Variants in PDLIM5 observed in about 807,000 individuals in gnomAD.
PDLIM5 encodes the protein PDZ and LIM domain protein 5.
A neutral mutation model predicts 64.2 loss-of-function variants in PDLIM5; 34 were observed. That is an observed-to-expected ratio of 0.53 (90% CI 0.40 to 0.71). The LOEUF (loss-of-function observed/expected upper bound fraction) is 0.71, where lower values mean the gene tolerates loss of function less well. PDLIM5 is among the 30% of genes least tolerant of loss of function. The pLI is 0.00. For missense variants in PDLIM5, 683 were observed against 733.6 expected (o/e 0.93, Z 0.80); for synonymous variants, 253 against 269.1 (o/e 0.94, Z 0.59).
intron 8 of PDLIM5, among the ~76,000 whole-genome samples, chr4:94,632,486 A>G (rs1740234743): frequency 6.6e-6 from 1 of 152,238 alleles, no homozygotes; most frequent in South Asian, 2.1e-4. Flanking sequence ...CCTTGTCTCT[A>G]AAAACAAAAA....
At chr4:94,590,206 C>A (rs1447455146) in intron 7 of PDLIM5, among the ~76,000 whole-genome samples, 1 of 152,106 alleles carries the variant, frequency 6.6e-6, no homozygotes, top group Non-Finnish European at 1.5e-5. Flanking sequence ...TCATTGTGCC[C>A]TTTAGGAAGG....
chr4:94,518,913 T>C (rs981367435), intron 2 of PDLIM5, among the ~76,000 whole-genome samples: 1 of 152,282 alleles, frequency 6.6e-6, no homozygotes, highest in East Asian at 1.9e-4. Flanking sequence ...TTCCTGTCCT[T>C]CTCTGGCCTC....
intron 2 of PDLIM5, among the ~76,000 whole-genome samples, chr4:94,515,090 G>T (rs1436795235): frequency 6.6e-6 from 1 of 152,188 alleles, no homozygotes; most frequent in Non-Finnish European, 1.5e-5. Flanking sequence ...CAGTTCATCA[G>T]ATGTTTATTG....
intron 7 of PDLIM5, among the ~76,000 whole-genome samples, chr4:94,601,285 C>T (rs1737468861): frequency 6.6e-6 from 1 of 152,144 alleles, no homozygotes; most frequent in East Asian, 1.9e-4. Context: ...AGAGAGGGAG[C>T]TCTCTGAGGT....
chr4:94,476,568 T>A (rs1725340258), intron 2 of PDLIM5, among the ~76,000 whole-genome samples: 1 of 152,180 alleles, frequency 6.6e-6, no homozygotes, highest in Admixed American at 6.5e-5. Flanking sequence ...TTTCTGACAT[T>A]CTTTATGTAA....
intron 3 of PDLIM5, among the ~76,000 whole-genome samples, chr4:94,538,803 G>A (rs986303846): frequency 6.6e-6 from 1 of 151,794 alleles, no homozygotes; most frequent in Admixed American, 6.6e-5. Context: ...TTGATTCTAG[G>A]GTGCCAAAAT....
rs1339401840 is a variant in PDLIM5 at position 94,455,319 on chromosome 4, C to G, written c.31C>G (p.Pro11Ala). 2 of 1,613,368 alleles carry G rather than the reference C, an allele frequency of 1.2e-6. No individual in the cohort carries two copies. The highest frequency in any genetic ancestry group is 3.3e-5 in the Admixed American group (2 of 60,026). Residue 11 changes from proline to alanine, a missense_variant, in exon 2 of 13, where the codon CCA (proline) becomes GCA (alanine). By Grantham distance (27) the Pro-to-Ala change is conservative. Transcript: ENST00000317968. ...CAACTACAGTGTGTCACTGGTTGGC[C>G]CAGCTCCTTGGGGTTTCCGGCTGCA... Reference protein sequence around the residue: MSNYSVSLVGPAPWGFRLQGG... With the variant: MSNYSVSLVGAAPWGFRLQGG...
At chr4:94,594,091 A>G (rs1578438007) in intron 7 of PDLIM5, among the ~76,000 whole-genome samples, 1 of 152,204 alleles carries the variant, frequency 6.6e-6, no homozygotes, top group Non-Finnish European at 1.5e-5. Flanking sequence ...AAATATCAAG[A>G]CATTAAAATA....
chr4:94,452,369 T>C (rs1369884153), intron 1 of PDLIM5, among the ~76,000 whole-genome samples: 1 of 151,900 alleles, frequency 6.6e-6, no homozygotes, highest in Non-Finnish European at 1.5e-5. Context: ...GCTGCCGGCG[T>C]CGCCCGGCAC....
intron 2 of PDLIM5, among the ~76,000 whole-genome samples, chr4:94,469,786 T>C (rs926431289): frequency 6.6e-6 from 1 of 151,912 alleles, no homozygotes; most frequent in Non-Finnish European, 1.5e-5. Context: ...GAATTTAAAA[T>C]TTTTTTTGAG....
intron 2 of PDLIM5, chr4:94,456,863 A>G (rs1723417839): frequency 9.2e-7 from 1 of 1,088,476 alleles, no homozygotes; most frequent in East Asian, 8.5e-5. Context: ...TCATTTAATT[A>G]TCATACCAAC....
rs953159315 is a variant in PDLIM5 at position 94,594,252 on chromosome 4, T to C, written c.920+7808T>C. Among the ~76,000 whole-genome samples the C allele has an allele frequency of 3.9e-5, 6 of 152,312 alleles. No individual in the cohort carries two copies. The East Asian group carries it at 9.6e-4, about 24-fold the overall frequency. On this transcript the variant is annotated intron_variant, in intron 7 of 12. Transcript: ENST00000317968. ...TTTGTTAATTAGTGAAAGACTTTTT[T>C]TCATTAAATGAACATTTGTTTTTTA...
intron 2 of PDLIM5, among the ~76,000 whole-genome samples, chr4:94,481,345 A>G (rs1292969638): frequency 2.1e-5 from 3 of 144,376 alleles, no homozygotes; most frequent in African/African-American, 7.8e-5. Context: ...GCTGGAGTGC[A>G]GTGGTGCGAT....
At chr4:94,539,561 G>A (rs1042734073) in intron 3 of PDLIM5, among the ~76,000 whole-genome samples, 2 of 152,184 alleles carry the variant, frequency 1.3e-5, no homozygotes, top group Admixed American at 6.5e-5. Flanking sequence ...CTCAGTTCAA[G>A]AAGCTCTTAA....
chr4:94,529,604 A>G (rs535286756), intron 3 of PDLIM5, among the ~76,000 whole-genome samples: 20 of 152,210 alleles, frequency 1.3e-4, no homozygotes, highest in Admixed American at 1.0e-3. Context: ...ATTTATGTCT[A>G]CTTTAATTTG....
chr4:94,594,599 GCACA>G (rs112401177), intron 7 of PDLIM5, among the ~76,000 whole-genome samples: 1 of 150,422 alleles, frequency 6.6e-6, no homozygotes, highest in Non-Finnish European at 1.5e-5. Context: ...TGTTATACAT[GCACA>G]CACACACACA....
At chr4:94,653,793 T>C (rs142388051) in intron 9 of PDLIM5, among the ~76,000 whole-genome samples, 82 of 152,322 alleles carry the variant, frequency 5.4e-4, no homozygotes, top group African/African-American at 1.9e-3. Context: ...TAAAATTAAA[T>C]TTTTGAAATA....
At position 94,455,331 on chromosome 4, in the gene PDLIM5, G is replaced by A. The variant is rs763116053; in HGVS notation, c.43G>A (p.Gly15Ser). ...GTCACTGGTTGGCCCAGCTCCTTGG[G>A]GTTTCCGGCTGCAGGGCGGTAAGGA... Reference protein sequence around the residue: ...SVSLVGPAPWGFRLQGGKDFN... With the variant: ...SVSLVGPAPWSFRLQGGKDFN... Residue 15 changes from glycine to serine, a missense_variant, in exon 2 of 13, where the codon GGT becomes AGT. Transcript: ENST00000317968. The A allele has an allele frequency of 1.9e-6, 3 of 1,613,662 alleles. No homozygotes were observed. Among genetic ancestry groups the A allele is most frequent in the African/African-American group, 1.3e-5 (1 of 74,898 alleles).
chr4:94,633,245 C>T (rs148572619), intron 8 of PDLIM5, among the ~76,000 whole-genome samples: 2 of 152,192 alleles, frequency 1.3e-5, no homozygotes, highest in East Asian at 3.9e-4. Context: ...ATTAACAAAG[C>T]TTGATTTTTC....
Sources: allele counts gnomAD v4.1 joint callset (sites outside exome capture counted in the v4.1 genomes callset), GRCh38; gene constraint gnomAD v4.1.1; transcripts MANE v1.5; gene names NCBI Gene and HGNC (gene_info 2026-07-23, HGNC 2026-07-21).